ZNF827: variants seen among roughly 807,000 people sequenced by gnomAD.
ZNF827 encodes zinc finger protein 827.
ZNF827 carries 13 observed loss-of-function variants against 102.4 expected under a neutral mutation model. The observed-to-expected ratio is 0.13, with a 90% CI of 0.08 to 0.20. The LOEUF (loss-of-function observed/expected upper bound fraction) is 0.20, where lower values mean the gene tolerates loss of function less well. ZNF827 is among the 10% of genes least tolerant of loss of function. The pLI is 1.00. For missense variants in ZNF827, 1,103 were observed against 1,344.4 expected (o/e 0.82, Z 2.81); for synonymous variants, 523 against 536.2 (o/e 0.98, Z 0.34).
intron 1 of ZNF827, among the ~76,000 whole-genome samples, chr4:145,929,371 T>C (rs1484145611): frequency 1.3e-5 from 2 of 152,236 alleles, no homozygotes; most frequent in Admixed American, 6.5e-5. Context: ...ATTTATGGAA[T>C]ACCTATTCTC....
intron 8 of ZNF827, 85 bp from the exon 9 acceptor site, chr4:145,779,596 C>T (rs868076971): frequency 1.3e-6 from 2 of 1,517,454 alleles, no homozygotes; most frequent in Middle Eastern, 1.8e-4. Flanking sequence ...TTCAGCAGAG[C>T]CTTCTCTCTG....
At chr4:145,827,504 T>A (rs1194998915) in intron 7 of ZNF827, among the ~76,000 whole-genome samples, 1 of 152,228 alleles carries the variant, frequency 6.6e-6, no homozygotes, top group African/African-American at 2.4e-5. Context: ...ACTCTAAACA[T>A]TCGCCACTGC....
rs79038932 is a variant in ZNF827, at chr4:145,912,969, C to G, written c.44-9754G>C. ...TTCACCTCTGGATTCTCAACTATAGCCTCAGTTTGTAATGTAGTTTTTGTA... is the reference window on the plus strand; with the variant it reads ...TTCACCTCTGGATTCTCAACTATAGGCTCAGTTTGTAATGTAGTTTTTGTA... On this transcript the variant is annotated intron_variant, in intron 1 of 14. Coordinates refer to ENST00000508784, the MANE Select transcript of ZNF827 (RefSeq NM_001306215.2). Among the ~76,000 whole-genome samples the G allele has an allele frequency of 5.1e-3, 777 of 152,272 alleles. 5 individuals carry two copies. The highest frequency in any genetic ancestry group is 0.041 in the East Asian group (214 of 5,180).
At chr4:145,851,486 G>T (rs1014882344) in intron 5 of ZNF827, among the ~76,000 whole-genome samples, 2 of 151,942 alleles carry the variant, frequency 1.3e-5, no homozygotes, top group African/African-American at 4.8e-5. Context: ...TCAAATACAC[G>T]TATATAGTTT....
intron 3 of ZNF827, 117 bp downstream of exon 3, chr4:145,892,126 C>T (rs552478760): frequency 3.7e-5 from 35 of 952,818 alleles, no homozygotes; most frequent in East Asian, 7.9e-5. Flanking sequence ...TACTGTCATC[C>T]GCATGTTTCA....
At chr4:145,929,433 T>C (rs1452935138) in intron 1 of ZNF827, among the ~76,000 whole-genome samples, 1 of 152,236 alleles carries the variant, frequency 6.6e-6, no homozygotes, top group Non-Finnish European at 1.5e-5. Flanking sequence ...ATCCTCACTT[T>C]ATAGTAAAAT....
chr4:145,891,129 C>T (rs776529319), intron 3 of ZNF827, among the ~76,000 whole-genome samples: 3 of 152,094 alleles, frequency 2.0e-5, no homozygotes, highest in Admixed American at 6.6e-5. Flanking sequence ...CAAATCATAT[C>T]GAAAATATCA....
At position 145,779,434 on chromosome 4, in the gene ZNF827, C is replaced by T. The variant is rs747021254; in HGVS notation, c.2461G>A (p.Val821Met). 24 of 1,614,044 alleles carry T rather than the reference C, an allele frequency of 1.5e-5. No homozygotes were observed. Among genetic ancestry groups the T allele is most frequent in the South Asian group, 9.9e-5 (9 of 91,078 alleles). ...TGTCGGCCAAACACTTTCCCACACA[C>T]GTCACAGGGAAAAAGCTGGTCATTG... is the stretch of plus-strand genomic sequence containing the variant. ...KFNDQLFPCD[V>M]CGKVFGRQQT... Residue 821 changes from valine to methionine, a missense_variant, in exon 9 of 15, where the codon GTG becomes ATG. Val to Met is a conservative substitution (Grantham distance 21, BLOSUM62 1). Around this residue, in one of 5 missense-constraint regions of ZNF827, gnomAD observed 242 missense variants for 361.9 expected, o/e 0.67. Coordinates refer to ENST00000508784, the MANE Select transcript of ZNF827 (RefSeq NM_001306215.2).
Position 145,902,869 on chromosome 4 carries a change from A to G in ZNF827, c.390T>C (p.Gly130=), listed in dbSNP as rs754808221. The G allele has an allele frequency of 6.2e-7, 1 of 1,614,036 alleles. No homozygotes were observed. The highest frequency in any genetic ancestry group is 1.7e-5 in the Admixed American group (1 of 60,018). The change falls in exon 2 of 15, where the codon GGT becomes GGC. Residue 130 remains glycine (G), a synonymous_variant. Coordinates refer to ENST00000508784, the MANE Select transcript of ZNF827 (RefSeq NM_001306215.2). This position sits in a 1 kb window ranked among gnomAD's most constrained non-coding sequence, Gnocchi z 4.3. ...TGGCTGCAGCATCGAGTTTGAGGGA[A>G]CCAGCCTCCAGCAGCCGCCTCAAAT... ...SSNLRRLLEA[G]SLKLDAAATA... is the part of the protein sequence containing the mutation.
At chr4:145,795,714 G>A (rs961157291) in intron 8 of ZNF827, among the ~76,000 whole-genome samples, 1 of 152,194 alleles carries the variant, frequency 6.6e-6, no homozygotes, top group African/African-American at 2.4e-5. Flanking sequence ...AAGAGAACAT[G>A]TAAGAGCTAA....
intron 8 of ZNF827, 66 bp from the exon 9 acceptor site, chr4:145,779,577 A>T (rs534753514): frequency 6.4e-7 from 1 of 1,571,372 alleles, no homozygotes; most frequent in South Asian, 1.2e-5. Flanking sequence ...GTTAGTCAAC[A>T]TTCAGGATTT....
At chr4:145,834,719 T>C (rs531342631) in intron 7 of ZNF827, among the ~76,000 whole-genome samples, 1 of 152,122 alleles carries the variant, frequency 6.6e-6, no homozygotes, top group Non-Finnish European at 1.5e-5. Context: ...CCTGAGACAC[T>C]TTACAGCCCT....
intron 7 of ZNF827, among the ~76,000 whole-genome samples, chr4:145,836,228 A>G (rs374066768): frequency 2.8e-5 from 4 of 144,644 alleles, no homozygotes; most frequent in African/African-American, 1.0e-4. Context: ...AATCGTGTCC[A>G]ACTGATCTCT....
intron 2 of ZNF827, among the ~76,000 whole-genome samples, chr4:145,894,031 A>T (rs1404386115): frequency 4.6e-5 from 7 of 152,222 alleles, no homozygotes; most frequent in Non-Finnish European, 1.0e-4. Context: ...AATTGAGGAA[A>T]TACTGATTAT....
chr4:145,920,869 T>A (rs1003421754), intron 1 of ZNF827, among the ~76,000 whole-genome samples: 2 of 152,224 alleles, frequency 1.3e-5, no homozygotes, highest in African/African-American at 4.8e-5. Context: ...CAGCACTATT[T>A]ATTGACCACC....
At chr4:145,864,677 G>T (rs1748025339) in intron 5 of ZNF827, among the ~76,000 whole-genome samples, 1 of 152,100 alleles carries the variant, frequency 6.6e-6, no homozygotes. Context: ...CTCAAAAAAA[G>T]TTGAAATGAA....
chr4:145,765,772 G>A lies in ZNF827; in HGVS notation c.2861-34C>T. 3 of 1,597,342 alleles carry A rather than the reference G, an allele frequency of 1.9e-6. No individual in the cohort carries two copies. Among genetic ancestry groups the A allele is most frequent in the Non-Finnish European group, 1.7e-6 (2 of 1,170,612 alleles). On this transcript the variant is annotated intron_variant, in intron 11 of 14. Transcript: ENST00000508784. The surrounding 1 kb of genome is among the most constrained non-coding windows in gnomAD (Gnocchi z 4.7). ...TAAGCAAATAACCCAGTCTGTTAAT[G>A]AGATGAAAATCCTCAGAATTATAGC...
At chr4:145,903,738 T>C (rs1751611720) in intron 1 of ZNF827, among the ~76,000 whole-genome samples, 1 of 152,242 alleles carries the variant, frequency 6.6e-6, no homozygotes. Context: ...GCAATTCATT[T>C]TTTAAAAAGC....
intron 1 of ZNF827, among the ~76,000 whole-genome samples, chr4:145,928,123 T>G (rs1753563336): frequency 6.6e-6 from 1 of 152,200 alleles, no homozygotes; most frequent in African/African-American, 2.4e-5. Flanking sequence ...TTTAAGAGCC[T>G]GAAAAAATAC....
Sources: allele counts gnomAD v4.1 joint callset (sites outside exome capture counted in the v4.1 genomes callset), GRCh38; gene constraint gnomAD v4.1.1; regional missense constraint gnomAD v4.1.1; non-coding constraint Gnocchi (gnomAD v3.1); transcripts MANE v1.5; gene names NCBI Gene and HGNC (gene_info 2026-07-23, HGNC 2026-07-21).